KIAA0825: variants seen among roughly 807,000 people sequenced by gnomAD.
The protein encoded by KIAA0825 is KIAA0825, also known as uncharacterized protein KIAA0825.
Under a neutral mutation model 147.6 loss-of-function variants are expected in KIAA0825, and 119 were observed. The observed-to-expected ratio is 0.81, with a 90% CI of 0.69 to 0.94. The LOEUF (loss-of-function observed/expected upper bound fraction) is 0.94. Among genes scored for constraint, KIAA0825 ranks in the 40% least tolerant of loss-of-function variants. The pLI, the probability that KIAA0825 is intolerant of heterozygous loss-of-function variation, is 0.00. For synonymous variants in KIAA0825, 470 were observed against 518.1 expected, an observed-to-expected ratio of 0.91 and a Z score of 1.26; for missense variants, 1,381 against 1,472.7, an observed-to-expected ratio of 0.94 and a Z score of 1.02.
chr5:94,473,445 A>C lies in KIAA0825; in HGVS notation c.1302T>G (p.Thr434=), dbSNP rs1400809352. Residue 434 remains threonine (T), a synonymous_variant, in exon 8 of 21, where the codon ACT becomes ACG. Transcript: ENST00000682413. Reference sequence around the variant, plus strand: ...TTTTTGTGGAAAAACCTTCAATTGCAGTTACTACGCAGTGCGCCATGGGAA... The same window carrying C: ...TTTTTGTGGAAAAACCTTCAATTGCCGTTACTACGCAGTGCGCCATGGGAA... ...VSLPMAHCVV[T]AIEGFSTKIL... 6.4e-7 allele frequency: 1 copy of C among 1,551,904 alleles called. No homozygotes were observed.
At chr5:94,434,111 T>G (rs542833950) in intron 14 of KIAA0825, among the ~76,000 whole-genome samples, 1 of 152,298 alleles carries the variant, frequency 6.6e-6, no homozygotes, top group East Asian at 1.9e-4. Context: ...CCCTGCAGAT[T>G]TAAGATGACC....
At chr5:94,409,272 G>A (rs1461906768) in intron 15 of KIAA0825, among the ~76,000 whole-genome samples, 3 of 152,152 alleles carry the variant, frequency 2.0e-5, no homozygotes, top group Non-Finnish European at 4.4e-5. Flanking sequence ...ACTGGTCCCA[G>A]ACTCACTCTC....
chr5:94,608,712 T>G (rs1011637024), intron 1 of KIAA0825, among the ~76,000 whole-genome samples: 3 of 150,124 alleles, frequency 2.0e-5, no homozygotes, highest in African/African-American at 7.4e-5. Flanking sequence ...GGGCTGTAAC[T>G]TCAATGAAAA....
At chr5:94,317,545 A>C (rs577195419) in intron 20 of KIAA0825, among the ~76,000 whole-genome samples, 1 of 151,840 alleles carries the variant, frequency 6.6e-6, no homozygotes, top group Non-Finnish European at 1.5e-5. Context: ...CTATAACTTA[A>C]AGACAATTTA....
intron 20 of KIAA0825, among the ~76,000 whole-genome samples, chr5:94,165,929 G>T (rs552808065): frequency 2.0e-5 from 3 of 152,086 alleles, no homozygotes; most frequent in Non-Finnish European, 4.4e-5. Context: ...CAATGAATAA[G>T]ACCTACTATT....
chr5:94,420,188 G>A (rs1295388050), intron 14 of KIAA0825, among the ~76,000 whole-genome samples: 1 of 152,010 alleles, frequency 6.6e-6, no homozygotes, highest in Non-Finnish European at 1.5e-5. Context: ...GAGATGAAGC[G>A]AGGCAATCAA....
chr5:94,378,623 G>A (rs1747926537), intron 20 of KIAA0825, among the ~76,000 whole-genome samples: 1 of 152,226 alleles, frequency 6.6e-6, no homozygotes, highest in Admixed American at 6.5e-5. Flanking sequence ...TATAAACCCA[G>A]TAATGGGATT....
chr5:94,247,904 G>A (rs1010105462), intron 20 of KIAA0825, among the ~76,000 whole-genome samples: 2 of 152,002 alleles, frequency 1.3e-5, no homozygotes, highest in African/African-American at 4.8e-5. Context: ...AAATATAAGG[G>A]GGGGTAATAA....
intron 20 of KIAA0825, among the ~76,000 whole-genome samples, chr5:94,236,657 A>C (rs1775057374): frequency 6.6e-6 from 1 of 152,224 alleles, no homozygotes; most frequent in Admixed American, 6.5e-5. Context: ...ATTTTATAAA[A>C]GGAAGTCATT....
At chr5:94,536,675 C>T (rs1418389579) in intron 3 of KIAA0825, among the ~76,000 whole-genome samples, 1 of 152,176 alleles carries the variant, frequency 6.6e-6, no homozygotes, top group Non-Finnish European at 1.5e-5. Flanking sequence ...CTCAAGCAAT[C>T]AGGGCCTTAC....
chr5:94,223,544 T>A (rs1773852174), intron 20 of KIAA0825, among the ~76,000 whole-genome samples: 1 of 152,208 alleles, frequency 6.6e-6, no homozygotes. Context: ...AGTGCAACTG[T>A]GATGTTAATC....
chr5:94,487,732 C>G (rs1341499998), intron 5 of KIAA0825, among the ~76,000 whole-genome samples: 3 of 152,104 alleles, frequency 2.0e-5, no homozygotes, highest in Non-Finnish European at 4.4e-5. Flanking sequence ...AAAACATTAT[C>G]TGCCAGTCTG....
intron 16 of KIAA0825, among the ~76,000 whole-genome samples, chr5:94,398,207 C>T (rs1011299199): frequency 6.6e-6 from 1 of 152,130 alleles, no homozygotes; most frequent in Non-Finnish European, 1.5e-5. Flanking sequence ...AACTCATCTC[C>T]CTTCTCCAGG....
intron 9 of KIAA0825, 69 bp from the exon 10 acceptor site, chr5:94,470,180 TACTACA>T: frequency 9.0e-7 from 1 of 1,107,104 alleles, no homozygotes; most frequent in Non-Finnish European, 1.2e-6. Flanking sequence ...CAATCTCCAG[TACTACA>T]AATGGTTTTG....
chr5:94,266,021 G>A (rs1776724954), intron 20 of KIAA0825, among the ~76,000 whole-genome samples: 1 of 152,134 alleles, frequency 6.6e-6, no homozygotes. Context: ...TGACTGAGTG[G>A]AAGGCTGAAG....
At chr5:94,345,232 T>G (rs539907841) in intron 20 of KIAA0825, among the ~76,000 whole-genome samples, 1 of 152,166 alleles carries the variant, frequency 6.6e-6, no homozygotes, top group African/African-American at 2.4e-5. Flanking sequence ...TTATCAGTGG[T>G]GTTTAAATGA....
chr5:94,516,112 C>G (rs1308192557), intron 5 of KIAA0825, among the ~76,000 whole-genome samples: 2 of 152,040 alleles, frequency 1.3e-5, no homozygotes, highest in Non-Finnish European at 2.9e-5. Flanking sequence ...CCATACAATA[C>G]CAAGATGTGG....
chr5:94,275,876 G>C (rs1466373197), intron 20 of KIAA0825, among the ~76,000 whole-genome samples: 1 of 152,090 alleles, frequency 6.6e-6, no homozygotes, highest in African/African-American at 2.4e-5. Flanking sequence ...TTCCCCCACA[G>C]AGCATCCTGA....
intron 2 of KIAA0825, among the ~76,000 whole-genome samples, chr5:94,550,576 C>T (rs1458990346): frequency 6.6e-6 from 1 of 152,202 alleles, no homozygotes; most frequent in African/African-American, 2.4e-5. Context: ...TTCACGGTAG[C>T]TCACACCTGT....
Sources: allele counts gnomAD v4.1 joint callset (sites outside exome capture counted in the v4.1 genomes callset), GRCh38; gene constraint gnomAD v4.1.1; transcripts MANE v1.5; gene names NCBI Gene and HGNC (gene_info 2026-07-23, HGNC 2026-07-21).